The following PDGFC variants were observed in gnomAD, a reference collection of about 807,000 sequenced individuals.
The protein encoded by PDGFC is platelet-derived growth factor C.
Under a neutral mutation model 35.5 loss-of-function variants are expected in PDGFC, and 12 were observed. The ratio of observed to expected loss-of-function variants is 0.34; its 90% CI spans 0.22 to 0.55. The LOEUF (loss-of-function observed/expected upper bound fraction) is 0.55, where lower values mean the gene tolerates loss of function less well. Among genes scored for constraint, PDGFC ranks in the 20% least tolerant of loss-of-function variants. The pLI is 0.91. For synonymous variants in PDGFC, 159 were observed against 148.8 expected (o/e 1.07, Z -0.50); for missense variants, 322 against 412.4 (o/e 0.78, Z 1.90).
chr4:156,818,237 T>A lies in PDGFC; in HGVS notation c.315-7220A>T, dbSNP rs544734997. 2.0e-5 allele frequency among the ~76,000 whole-genome samples: 3 copies of A among 151,812 alleles called. No individual in the cohort carries two copies. In the South Asian group the frequency reaches 6.3e-4, roughly 32 times the overall value. On this transcript the variant is annotated intron_variant, in intron 2 of 5. Transcript: ENST00000502773. ...ATATACACTCAATGCATTTTCTTGC[T>A]CTTCACAGATACCGCGTTTTTTACA... is the stretch of plus-strand genomic sequence containing the variant.
chr4:156,956,280 G>T (rs1732207504), intron 1 of PDGFC, among the ~76,000 whole-genome samples: 1 of 152,028 alleles, frequency 6.6e-6, no homozygotes, highest in Non-Finnish European at 1.5e-5. Context: ...CAGCACAGTA[G>T]CCATGGAGAA....
chr4:156,872,458 T>C (rs1730008103), intron 1 of PDGFC, among the ~76,000 whole-genome samples: 1 of 152,220 alleles, frequency 6.6e-6, no homozygotes, highest in Admixed American at 6.5e-5. Flanking sequence ...GGCTTCAAAG[T>C]GCCAGAGTCT....
intron 3 of PDGFC, among the ~76,000 whole-genome samples, chr4:156,780,753 A>G (rs552576106): frequency 3.7e-4 from 56 of 152,276 alleles, no homozygotes; most frequent in African/African-American, 1.3e-3. Context: ...AACTGCTTTG[A>G]GGGGAAAAAT....
At chr4:156,966,072 G>A (rs1289543447) in intron 1 of PDGFC, among the ~76,000 whole-genome samples, 1 of 152,088 alleles carries the variant, frequency 6.6e-6, no homozygotes. Context: ...CAACATTTTG[G>A]TAATCAGTAT....
chr4:156,954,650 A>G (rs1454093182), intron 1 of PDGFC, among the ~76,000 whole-genome samples: 1 of 151,994 alleles, frequency 6.6e-6, no homozygotes, highest in Non-Finnish European at 1.5e-5. Context: ...TATTGAGGAA[A>G]TAACATTCTA....
At chr4:156,948,696 G>A (rs1052766645) in intron 1 of PDGFC, among the ~76,000 whole-genome samples, 27 of 151,848 alleles carry the variant, frequency 1.8e-4, no homozygotes, top group Admixed American at 1.8e-3. Flanking sequence ...CACCCCCACC[G>A]CTGCCCTACA....
At chr4:156,768,472 C>G (rs1442584517) in intron 4 of PDGFC, among the ~76,000 whole-genome samples, 1 of 151,932 alleles carries the variant, frequency 6.6e-6, no homozygotes, top group Non-Finnish European at 1.5e-5. Context: ...ACAGCTCTTT[C>G]TATAATCTCT....
intron 2 of PDGFC, among the ~76,000 whole-genome samples, chr4:156,819,415 A>T (rs1254790340): frequency 6.6e-6 from 1 of 152,176 alleles, no homozygotes; most frequent in Non-Finnish European, 1.5e-5. Context: ...CTTTACGTTG[A>T]AGCTAATGCT....
intron 5 of PDGFC, among the ~76,000 whole-genome samples, chr4:156,763,569 T>C (rs1730442560): frequency 6.6e-6 from 1 of 152,214 alleles, no homozygotes; most frequent in Admixed American, 6.5e-5. Flanking sequence ...TTTCTGTTTG[T>C]CGCTTTCTTT....
At chr4:156,837,154 G>A (rs1197365996) in intron 2 of PDGFC, among the ~76,000 whole-genome samples, 3 of 152,154 alleles carry the variant, frequency 2.0e-5, no homozygotes, top group African/African-American at 7.2e-5. Context: ...AGACAAGAAA[G>A]GCCAAAACAG....
intron 1 of PDGFC, among the ~76,000 whole-genome samples, chr4:156,912,532 A>G (rs910109485): frequency 6.6e-6 from 1 of 151,976 alleles, no homozygotes; most frequent in African/African-American, 2.4e-5. Flanking sequence ...CTTTCTTTCT[A>G]GTAGACAACA....
At chr4:156,808,595 T>C (rs1452554896) in intron 3 of PDGFC, among the ~76,000 whole-genome samples, 2 of 151,964 alleles carry the variant, frequency 1.3e-5, no homozygotes, top group African/African-American at 4.8e-5. Flanking sequence ...AGGCTTTCAT[T>C]AATCTGTTAC....
At chr4:156,880,427 C>A (rs558788014) in intron 1 of PDGFC, among the ~76,000 whole-genome samples, 1 of 152,060 alleles carries the variant, frequency 6.6e-6, no homozygotes, top group African/African-American at 2.4e-5. Flanking sequence ...AGATTTTAAA[C>A]CCACTACTCA....
intron 1 of PDGFC, among the ~76,000 whole-genome samples, chr4:156,869,153 G>C (rs757572798): frequency 6.6e-6 from 1 of 152,092 alleles, no homozygotes; most frequent in South Asian, 2.1e-4. Flanking sequence ...AAAATGACCG[G>C]CCAGGTGCGG....
intron 1 of PDGFC, among the ~76,000 whole-genome samples, chr4:156,916,670 T>C (rs1340560524): frequency 1.3e-5 from 2 of 152,210 alleles, no homozygotes; most frequent in African/African-American, 2.4e-5. Flanking sequence ...AGGCCACTTC[T>C]GCCCAACAGG....
intron 1 of PDGFC, among the ~76,000 whole-genome samples, chr4:156,918,770 G>T (rs565458530): frequency 6.6e-6 from 1 of 152,240 alleles, no homozygotes; most frequent in East Asian, 1.9e-4. Flanking sequence ...GTGCCAAAAA[G>T]GTCAGGGACG....
At chr4:156,877,008 G>A (rs1204662615) in intron 1 of PDGFC, among the ~76,000 whole-genome samples, 2 of 151,882 alleles carry the variant, frequency 1.3e-5, no homozygotes, top group Non-Finnish European at 2.9e-5. Context: ...GAAAAAGAGT[G>A]GTCCATTTAT....
intron 2 of PDGFC, among the ~76,000 whole-genome samples, chr4:156,828,901 A>AT (rs1728860114): frequency 6.6e-6 from 1 of 152,176 alleles, no homozygotes; most frequent in Non-Finnish European, 1.5e-5. Flanking sequence ...GGGTATACAC[A>AT]TTTTTTAAAA....
chr4:156,963,493 T>A (rs1482718772), intron 1 of PDGFC, among the ~76,000 whole-genome samples: 1 of 148,104 alleles, frequency 6.8e-6, no homozygotes, highest in East Asian at 2.0e-4. Flanking sequence ...ACAAAACAAA[T>A]ACAAAAGGGA....
Sources: allele counts gnomAD v4.1 joint callset (sites outside exome capture counted in the v4.1 genomes callset), GRCh38; gene constraint gnomAD v4.1.1; transcripts MANE v1.5; gene names NCBI Gene and HGNC (gene_info 2026-07-23, HGNC 2026-07-21).